The following ZNF519 variants were observed in gnomAD, a reference collection of about 807,000 sequenced individuals.
ZNF519 encodes the protein similar to Zinc finger protein 85 (Zinc finger protein HPF4) (HTF1).
Under a neutral mutation model 7.4 loss-of-function variants are expected in ZNF519, and 7 were observed. That is an observed-to-expected ratio of 0.94 (90% confidence interval 0.54 to 1.77). The LOEUF (loss-of-function observed/expected upper bound fraction) is 1.77, where lower values mean the gene tolerates loss of function less well. Among genes scored for constraint, ZNF519 ranks in the 40% most tolerant of loss-of-function variants. ZNF519 has a pLI of 0.00. For synonymous variants in ZNF519, 179 were observed against 203.3 expected, an observed-to-expected ratio of 0.88 and a Z score of 1.02; for missense variants, 586 against 623.1, an observed-to-expected ratio of 0.94 and a Z score of 0.63.
At chr18:14,084,304 T>G (rs2046081517) in intron 3 of ZNF519, 1 of 152,150 alleles carries the variant, frequency 6.6e-6, no homozygotes, top group Admixed American at 6.6e-5. Flanking sequence ...GAAAATATTT[T>G]TTTTAGGGCT....
intron 2 of ZNF519, among the ~76,000 whole-genome samples, chr18:14,092,092 T>G (rs1316721737): frequency 6.6e-6 from 1 of 152,070 alleles, no homozygotes; most frequent in Non-Finnish European, 1.5e-5. Flanking sequence ...GCCGTACCAG[T>G]GAATCGAAGT....
chr18:14,092,125 T>C (rs1326907769), intron 2 of ZNF519, among the ~76,000 whole-genome samples: 1 of 152,046 alleles, frequency 6.6e-6, no homozygotes, highest in African/African-American at 2.4e-5. Flanking sequence ...TGGATTGACC[T>C]AGGGGGCAGT....
chr18:14,113,682 A>G (rs1006290068), intron 2 of ZNF519, among the ~76,000 whole-genome samples: 2 of 150,602 alleles, frequency 1.3e-5, no homozygotes, highest in African/African-American at 4.9e-5. Flanking sequence ...TAGGTAGTAT[A>G]GTAGCTCTAT....
intron 1 of ZNF519, among the ~76,000 whole-genome samples, chr18:14,129,466 C>T (rs1458931095): frequency 2.6e-5 from 4 of 152,018 alleles, no homozygotes; most frequent in African/African-American, 4.8e-5. Context: ...TCTAAGCTCT[C>T]GTTCCATCTC....
At chr18:14,116,530 C>T (rs2046246731) in intron 2 of ZNF519, among the ~76,000 whole-genome samples, 2 of 152,120 alleles carry the variant, frequency 1.3e-5, no homozygotes, top group Admixed American at 6.6e-5. Flanking sequence ...AAATGATCTT[C>T]AACAAGGTTA....
chr18:14,091,185 T>A (rs1368266004), intron 2 of ZNF519, among the ~76,000 whole-genome samples: 1 of 152,202 alleles, frequency 6.6e-6, no homozygotes, highest in Non-Finnish European at 1.5e-5. Context: ...TATATTCTAA[T>A]AATGGATAAA....
intron 3 of ZNF519, among the ~76,000 whole-genome samples, chr18:14,079,077 G>C (rs1381364192): frequency 6.6e-6 from 1 of 152,158 alleles, no homozygotes; most frequent in African/African-American, 2.4e-5. Flanking sequence ...CGACACAGTT[G>C]CCAATTCTTG....
In ZNF519 at chr18:14,103,643, C is replaced by T. The variant is rs2046172912; in HGVS notation, c.*1274G>A. On this transcript the variant is annotated 3_prime_UTR_variant, in exon 3 of 3. Coordinates refer to ENST00000590202, the MANE Select transcript of ZNF519 (RefSeq NM_145287.4). The stretch of plus-strand genomic sequence containing the variant: ...AAGGGCTAATTAACTACTCAACACA[C>T]CTTGGGGAACTTGTTAGAGTAACAA... The T allele has an allele frequency of 1.3e-5, 2 of 151,966 alleles. No homozygotes were observed. The highest frequency in any genetic ancestry group is 4.1e-4 in the South Asian group (2 of 4,826). 9.4% of individuals were successfully genotyped at this position (151,966 alleles called of 1,614,324 possible).
intron 2 of ZNF519, among the ~76,000 whole-genome samples, chr18:14,085,292 C>T (rs919981304): frequency 3.3e-4 from 50 of 152,016 alleles, no homozygotes; most frequent in African/African-American, 1.1e-3. Context: ...GTTCCCTTGC[C>T]CGAGACAGAT....
In ZNF519 at chr18:14,102,578, T is replaced by A. The variant is rs2046167481; in HGVS notation, c.*2339A>T. The A allele has an allele frequency of 6.6e-6, 1 of 152,186 alleles. No homozygotes were observed. Among genetic ancestry groups the A allele is most frequent in the Admixed American group, 6.5e-5 (1 of 15,276 alleles). 9.4% of individuals were successfully genotyped at this position (152,186 alleles called of 1,614,324 possible). ...TTTACAAGTCACATTTATGAATATA[T>A]CTCTTATTTAGAGAATTACAATTTT... is the stretch of plus-strand genomic sequence containing the variant. On this transcript the variant is annotated 3_prime_UTR_variant, in exon 3 of 3. Transcript: ENST00000590202.
At chr18:14,113,932 G>A (rs1431786527) in intron 2 of ZNF519, among the ~76,000 whole-genome samples, 1 of 152,064 alleles carries the variant, frequency 6.6e-6, no homozygotes, top group African/African-American at 2.4e-5. Flanking sequence ...TTATTCGTAT[G>A]CCCTCTTTAG....
chr18:14,096,922 G>A (rs1940809), downstream of ZNF519, among the ~76,000 whole-genome samples: 9,923 of 152,174 alleles, frequency 0.065, 607 homozygotes, highest in African/African-American at 0.15. Flanking sequence ...GAAGGATCCA[G>A]GTTGTTGGCC....
rs190543129 is a variant in ZNF519, at chr18:14,077,909, C to T, written c.*276+291G>A. 5.0e-4 allele frequency among the ~76,000 whole-genome samples: 76 copies of T among 152,258 alleles called. 1 individual carries two copies. In the East Asian group the frequency reaches 8.1e-3, roughly 16 times the overall value. On this transcript the variant is annotated intron_variant and NMD_transcript_variant, in intron 4 of 4. Transcript: ENST00000587419. ...TGGTAAAGAATGTATCAATAGGTTA[C>T]GGTGCAAATAGGCAGTCGTCCCCAA... is the stretch of plus-strand genomic sequence containing the variant.
chr18:14,116,925 C>T (rs971564514), intron 2 of ZNF519, among the ~76,000 whole-genome samples: 10 of 152,112 alleles, frequency 6.6e-5, no homozygotes, highest in African/African-American at 2.4e-4. Context: ...GCAGGAGAAT[C>T]GCTTGAACCC....
In ZNF519 at chr18:14,131,475, G is replaced by A. The variant is rs544849469; in HGVS notation, c.3+800C>T. Among the ~76,000 whole-genome samples, 245 of 152,318 alleles carry A rather than the reference G, an allele frequency of 1.6e-3. 1 individual carries two copies. The highest frequency in any genetic ancestry group is 5.5e-3 in the African/African-American group (228 of 41,558). The stretch of plus-strand genomic sequence containing the variant: ...CAGGTTAGGCTGGCAGAACAGAGTA[G>A]TGGATGTGAGACCCTGCTTGCCACA... On this transcript the variant is annotated intron_variant, in intron 1 of 2. Coordinates refer to ENST00000590202, the MANE Select transcript of ZNF519 (RefSeq NM_145287.4).
At position 14,101,656 on chromosome 18, in the gene ZNF519, C is replaced by T. The variant is rs926997481; in HGVS notation, c.*3261G>A. 2.5e-6 allele frequency: 1 copy of T among 398,436 alleles called. No individual in the cohort carries two copies. Among genetic ancestry groups the T allele is most frequent in the African/African-American group, 2.1e-5 (1 of 48,574 alleles). The allele number at this position is 398,436 out of a possible 1,614,324, so 24.7% of individuals were successfully genotyped here. ...ATGTCTGGGCCCTGGTTATAGAGAC[C>T]ATCTCTACACCCACACCCCAATCGA... On this transcript the variant is annotated 3_prime_UTR_variant, in exon 3 of 3. Coordinates refer to ENST00000590202, the MANE Select transcript of ZNF519 (RefSeq NM_145287.4).
downstream of ZNF519, among the ~76,000 whole-genome samples, chr18:14,096,151 G>C (rs2046135650): frequency 6.6e-6 from 1 of 152,202 alleles, no homozygotes; most frequent in African/African-American, 2.4e-5. Context: ...CCCAGCACTG[G>C]GCTCTAAGTC....
Position 14,101,489 on chromosome 18 carries a change from T to C in ZNF519, c.*3428A>G. 1 of 396,026 alleles carries C rather than the reference T, an allele frequency of 2.5e-6. No homozygotes were observed. Among genetic ancestry groups the C allele is most frequent in the East Asian group, 3.6e-5 (1 of 27,978 alleles). 24.5% of individuals were successfully genotyped at this position (396,026 alleles called of 1,614,324 possible). A position where few individuals can be genotyped will look rare whatever the true frequency, so the allele number is the denominator to read the frequency against. Reference sequence around the variant, plus strand: ...AGCCGATTGTACACCTGAACAGTGCTGGGGTGAAATGGTGGGGCTGAAGGA... The same window carrying C: ...AGCCGATTGTACACCTGAACAGTGCCGGGGTGAAATGGTGGGGCTGAAGGA... On this transcript the variant is annotated 3_prime_UTR_variant, in exon 3 of 3. Coordinates refer to ENST00000590202, the MANE Select transcript of ZNF519 (RefSeq NM_145287.4).
intron 2 of ZNF519, among the ~76,000 whole-genome samples, chr18:14,117,322 C>T (rs2046250814): frequency 6.6e-6 from 1 of 152,130 alleles, no homozygotes; most frequent in Non-Finnish European, 1.5e-5. Flanking sequence ...ATAGCAATTA[C>T]TGAAAACATT....
Sources: gnomAD v4.1 joint callset for allele counts (sites outside exome capture counted in the v4.1 genomes callset) on GRCh38, gnomAD v4.1.1 for gene constraint, MANE v1.5 for transcripts, NCBI Gene and HGNC (gene_info 2026-07-23, HGNC 2026-07-21) for gene names.